DOCK4: variants seen among roughly 807,000 people sequenced by gnomAD.
DOCK4 encodes dedicator of cytokinesis protein 4.
Under a neutral mutation model 268.1 loss-of-function variants are expected in DOCK4, and 97 were observed. That is an observed-to-expected ratio of 0.36 (90% CI 0.31 to 0.43). The LOEUF (loss-of-function observed/expected upper bound fraction) is 0.43. Ranked by LOEUF, DOCK4 falls within the 20% of genes least tolerant of loss-of-function variation. The pLI, the probability that DOCK4 is intolerant of heterozygous loss-of-function variation, is 1.00. For synonymous variants in DOCK4, 954 were observed against 887.2 expected (o/e 1.08, Z -1.34); for missense variants, 2,145 against 2,455.7 (o/e 0.87, Z 2.67).
chr7:111,778,674 T>C (rs1798603236), intron 35 of DOCK4, among the ~76,000 whole-genome samples: 1 of 152,184 alleles, frequency 6.6e-6, no homozygotes, highest in East Asian at 1.9e-4. Context: ...TAAAAATACG[T>C]AACAGATTAA....
At chr7:111,771,194 A>G (rs1003166361) in intron 36 of DOCK4, among the ~76,000 whole-genome samples, 1 of 152,238 alleles carries the variant, frequency 6.6e-6, no homozygotes, top group African/African-American at 2.4e-5. Flanking sequence ...GGTTCTTACC[A>G]AGCTCTCTAT....
chr7:111,896,487 G>C (rs10233870), intron 15 of DOCK4, among the ~76,000 whole-genome samples: 66,653 of 138,336 alleles, frequency 0.48, 16,735 homozygotes, highest in African/African-American at 0.71. Context: ...TTCCACCAAG[G>C]TTTTTTTTTT....
At chr7:111,918,968 A>C (rs1713287771) in intron 12 of DOCK4, among the ~76,000 whole-genome samples, 1 of 152,200 alleles carries the variant, frequency 6.6e-6, no homozygotes, top group Non-Finnish European at 1.5e-5. Flanking sequence ...ACATAAAGGA[A>C]GAAGAGAAAA....
At chr7:112,084,172 C>A (rs1808849016) in intron 1 of DOCK4, among the ~76,000 whole-genome samples, 1 of 151,124 alleles carries the variant, frequency 6.6e-6, no homozygotes, top group East Asian at 2.1e-4. Context: ...CAGAACATGC[C>A]CAGCCAATCT....
intron 1 of DOCK4, among the ~76,000 whole-genome samples, chr7:112,192,399 TC>T (rs1820038167): frequency 6.6e-6 from 1 of 152,184 alleles, no homozygotes; most frequent in Non-Finnish European, 1.5e-5. Flanking sequence ...GGTGACTCAC[TC>T]CTATGGGAAG....
At chr7:112,128,719 T>C (rs1813507573) in intron 1 of DOCK4, among the ~76,000 whole-genome samples, 2 of 152,028 alleles carry the variant, frequency 1.3e-5, no homozygotes, top group African/African-American at 2.4e-5. Context: ...GAAGGCAGCA[T>C]GCTCGTTAAG....
At chr7:111,891,185 A>G (rs974514840) in intron 16 of DOCK4, among the ~76,000 whole-genome samples, 1 of 108,470 alleles carries the variant, frequency 9.2e-6, no homozygotes, top group Admixed American at 7.9e-5. Flanking sequence ...TGTTTGGTCA[A>G]AATGAAAAAA....
chr7:111,767,515 G>A lies in DOCK4; in HGVS notation c.3829-397C>T, dbSNP rs762713727. Among the ~76,000 whole-genome samples, 11 of 152,144 alleles carry A rather than the reference G, an allele frequency of 7.2e-5. No individual in the cohort carries two copies. The East Asian group carries it at 1.5e-3, about 21-fold the overall frequency. On this transcript the variant is annotated intron_variant, in intron 37 of 52. Transcript: ENST00000428084. ...GCTGGGGTTACAGGCATGAGCCACC[G>A]CGCCCGTCCACTTCTTAATCTTTAT...
chr7:111,915,936 A>G, intron 12 of DOCK4, 32 bp from the exon 13 acceptor site: 2 of 1,595,974 alleles, frequency 1.3e-6, no homozygotes, highest in Non-Finnish European at 1.7e-6. Context: ...CGAGTTAAAA[A>G]CAGAATAGAA....
chr7:111,738,660 G>A (rs900793669), intron 49 of DOCK4, among the ~76,000 whole-genome samples: 3 of 152,206 alleles, frequency 2.0e-5, no homozygotes, highest in Non-Finnish European at 2.9e-5. Flanking sequence ...GCTCAGGGCC[G>A]GGAGTGGTGG....
At chr7:112,069,148 G>A (rs1807350032) in intron 1 of DOCK4, among the ~76,000 whole-genome samples, 1 of 152,174 alleles carries the variant, frequency 6.6e-6, no homozygotes, top group African/African-American at 2.4e-5. Flanking sequence ...GCCAGACAGT[G>A]ATGGCTTGTA....
intron 1 of DOCK4, among the ~76,000 whole-genome samples, chr7:112,152,764 G>C (rs774706776): frequency 1.3e-5 from 2 of 151,984 alleles, no homozygotes; most frequent in Non-Finnish European, 2.9e-5. Flanking sequence ...GGGATTATAG[G>C]CTTGAGCCAC....
At position 111,913,964 on chromosome 7, in the gene DOCK4, A is replaced by G. The variant is rs148154151; in HGVS notation, c.1192+1815T>C. 2.5e-3 allele frequency among the ~76,000 whole-genome samples: 382 copies of G among 152,290 alleles called. 2 individuals are homozygous for G. The highest frequency in any genetic ancestry group is 4.1e-3 in the Non-Finnish European group (279 of 68,010). ...GTTGGCTATGACTACACAGTCTTTC[A>G]CTATTAAAGCAGGTACTTGCTATTA... On this transcript the variant is annotated intron_variant, in intron 13 of 52. Transcript: ENST00000428084.
chr7:111,838,559 C>A (rs888368042), intron 25 of DOCK4, among the ~76,000 whole-genome samples: 1 of 151,964 alleles, frequency 6.6e-6, no homozygotes, highest in Admixed American at 6.6e-5. Context: ...TGCCCCTATG[C>A]CCCCCAAAAA....
chr7:112,082,504 G>A (rs891520102), intron 1 of DOCK4, among the ~76,000 whole-genome samples: 5 of 152,140 alleles, frequency 3.3e-5, no homozygotes, highest in East Asian at 1.9e-4. Flanking sequence ...CCATAGGCAC[G>A]CTGGGATTTC....
chr7:111,958,507 C>A (rs1586495379), intron 8 of DOCK4, among the ~76,000 whole-genome samples: 4 of 152,132 alleles, frequency 2.6e-5, no homozygotes, highest in African/African-American at 7.2e-5. Context: ...AAAAGAACAT[C>A]AATCTGGTTA....
Position 111,746,806 on chromosome 7 carries a change from GGTCTT to G in DOCK4, c.4594-394_4594-390del, listed in dbSNP as rs1356605041. Among the ~76,000 whole-genome samples, 796 of 133,662 alleles carry G rather than the reference GGTCTT, an allele frequency of 6.0e-3. 6 individuals carry two copies. The highest frequency in any genetic ancestry group is 0.022 in the African/African-American group (775 of 35,822). 87.7% of individuals were successfully genotyped at this position (133,662 alleles called of 152,430 possible). On this transcript the variant is annotated intron_variant, in intron 43 of 52. Coordinates refer to ENST00000428084, the MANE Select transcript of DOCK4 (RefSeq NM_001363540.2). The stretch of plus-strand genomic sequence containing the variant: ...CTTAAAGTATCATCTAAGCAAGATC[GGTCTT>G]ATCTTTTTTTTTTTTTTTTTTTTTT...
At chr7:111,914,298 T>C (rs1005676008) in intron 13 of DOCK4, among the ~76,000 whole-genome samples, 4 of 152,174 alleles carry the variant, frequency 2.6e-5, no homozygotes, top group Non-Finnish European at 5.9e-5. Context: ...CCGGTCTCCC[T>C]GTTTCTCTGC....
At chr7:112,205,981 G>T in intron 1 of DOCK4, 121 bp downstream of exon 1, 1 of 1,135,240 alleles carries the variant, frequency 8.8e-7, no homozygotes, top group Non-Finnish European at 1.3e-6. Flanking sequence ...CGTACCAGCT[G>T]CGCGATGCCA....
Sources: gnomAD v4.1 joint callset for allele counts (sites outside exome capture counted in the v4.1 genomes callset) on GRCh38, gnomAD v4.1.1 for gene constraint, MANE v1.5 for transcripts, NCBI Gene and HGNC (gene_info 2026-07-23, HGNC 2026-07-21) for gene names.